TEAD1: variants seen among roughly 807,000 people sequenced by gnomAD.
The protein encoded by TEAD1 is transcriptional enhancer factor TEF-1.
In TEAD1, 9 loss-of-function variants were observed where a neutral mutation model predicts 54.9. That is an observed-to-expected ratio of 0.16 (90% CI 0.10 to 0.29). TEAD1 has a LOEUF of 0.29. Ranked by LOEUF, TEAD1 falls within the 10% of genes least tolerant of loss-of-function variation. TEAD1 has a pLI of 1.00. For missense variants in TEAD1, 387 were observed against 535.9 expected (o/e 0.72, Z 2.74); for synonymous variants, 200 against 187.8 (o/e 1.07, Z -0.53).
At chr11:12,791,989 A>G (rs2133962642) in intron 3 of TEAD1, among the ~76,000 whole-genome samples, 1 of 152,344 alleles carries the variant, frequency 6.6e-6, no homozygotes, top group East Asian at 1.9e-4. Context: ...TGAACTACAC[A>G]TGAACACTAA....
chr11:12,942,932 A>C lies in TEAD1; in HGVS notation c.*5710A>C, dbSNP rs1231325995. 3 of 152,240 alleles carry C rather than the reference A, an allele frequency of 2.0e-5. No homozygotes were observed. Among genetic ancestry groups the C allele is most frequent in the Non-Finnish European group, 4.4e-5 (3 of 68,044 alleles). The allele number at this position is 152,240 out of a possible 1,614,324, so 9.4% of individuals were successfully genotyped here. On this transcript the variant is annotated 3_prime_UTR_variant, in exon 13 of 13. Coordinates refer to ENST00000527636, the MANE Select transcript of TEAD1 (RefSeq NM_021961.6). ...AACCTTGTAGAAATTGGGAAAGCTG[A>C]TAGAGGTAAGGAAGACGAGTGAAAA...
intron 3 of TEAD1, among the ~76,000 whole-genome samples, chr11:12,784,869 A>C (rs190824422): frequency 6.6e-6 from 1 of 152,276 alleles, no homozygotes; most frequent in Admixed American, 6.5e-5. Context: ...GGCTTTAGCC[A>C]CCCATGTTAA....
At chr11:12,772,889 C>T (rs948832779) in intron 3 of TEAD1, among the ~76,000 whole-genome samples, 3 of 152,216 alleles carry the variant, frequency 2.0e-5, no homozygotes, top group African/African-American at 7.2e-5. Flanking sequence ...CATGTCTCCA[C>T]CGCCACAATC....
intron 3 of TEAD1, among the ~76,000 whole-genome samples, chr11:12,854,395 C>G (rs1284809704): frequency 6.6e-6 from 1 of 152,100 alleles, no homozygotes. Flanking sequence ...ACTTCTCTGT[C>G]TGGTAGTAGA....
intron 3 of TEAD1, among the ~76,000 whole-genome samples, chr11:12,774,466 G>A (rs1945378491): frequency 6.6e-6 from 1 of 152,176 alleles, no homozygotes; most frequent in African/African-American, 2.4e-5. Flanking sequence ...AGTGTAAGTG[G>A]TGTCTAAAAG....
chr11:12,700,431 C>T (rs1943674458), intron 2 of TEAD1, among the ~76,000 whole-genome samples: 1 of 152,130 alleles, frequency 6.6e-6, no homozygotes, highest in Non-Finnish European at 1.5e-5. Flanking sequence ...TAACTCTTCA[C>T]CAGGTACTCA....
chr11:12,735,637 A>C (rs1445015946), intron 2 of TEAD1, among the ~76,000 whole-genome samples: 2 of 151,508 alleles, frequency 1.3e-5, no homozygotes, highest in Non-Finnish European at 2.9e-5. Flanking sequence ...GCTGTGACCA[A>C]GGCAGACGTA....
chr11:12,744,458 A>G (rs1944707252), intron 2 of TEAD1, among the ~76,000 whole-genome samples: 2 of 152,188 alleles, frequency 1.3e-5, no homozygotes, highest in Non-Finnish European at 2.9e-5. Flanking sequence ...AGAAGTTTTC[A>G]GGACTCAGGA....
At chr11:12,869,343 C>T (rs1195769762) in intron 5 of TEAD1, among the ~76,000 whole-genome samples, 1 of 152,136 alleles carries the variant, frequency 6.6e-6, no homozygotes, top group African/African-American at 2.4e-5. Context: ...TGGGGCTGCT[C>T]CGTGGCACTT....
intron 2 of TEAD1, among the ~76,000 whole-genome samples, chr11:12,718,206 G>A (rs961486620): frequency 4.6e-5 from 7 of 152,190 alleles, no homozygotes; most frequent in African/African-American, 1.7e-4. Context: ...TTCTTTGTGA[G>A]TAGTGGTTCA....
chr11:12,835,271 T>C (rs1353562782), intron 3 of TEAD1, among the ~76,000 whole-genome samples: 1 of 152,062 alleles, frequency 6.6e-6, no homozygotes, highest in Non-Finnish European at 1.5e-5. Context: ...TATTACCCAA[T>C]GTAGGTCTAG....
chr11:12,752,485 G>A (rs528706699), intron 2 of TEAD1, among the ~76,000 whole-genome samples: 1 of 152,048 alleles, frequency 6.6e-6, no homozygotes, highest in Non-Finnish European at 1.5e-5. Flanking sequence ...GATGAATTTC[G>A]TTAGTGTTTG....
intron 4 of TEAD1, among the ~76,000 whole-genome samples, chr11:12,863,900 C>G (rs1236116894): frequency 6.6e-6 from 1 of 152,106 alleles, no homozygotes; most frequent in African/African-American, 2.4e-5. Context: ...TTGGTGATAC[C>G]TCTCCAATGT....
At chr11:12,763,574 C>T (rs1463196909) in intron 2 of TEAD1, among the ~76,000 whole-genome samples, 1 of 152,210 alleles carries the variant, frequency 6.6e-6, no homozygotes, top group Non-Finnish European at 1.5e-5. Flanking sequence ...AAATAATCTT[C>T]CTCCTTCCCT....
In TEAD1 at chr11:12,901,802, T is replaced by C. The variant is rs1589974332; in HGVS notation, c.700-138T>C. The stretch of plus-strand genomic sequence containing the variant: ...ATCGCTTTTCTAAACATACTCATCA[T>C]TTCAAAAGCATTGATCCTGGACTGG... On this transcript the variant is annotated intron_variant, in intron 9 of 12. Coordinates refer to ENST00000527636, the MANE Select transcript of TEAD1 (RefSeq NM_021961.6). 2.5e-5 allele frequency: 24 copies of C among 970,730 alleles called. No individual in the cohort carries two copies. The East Asian group carries it at 5.8e-4, about 23-fold the overall frequency. 60.1% of individuals were successfully genotyped at this position (970,730 alleles called of 1,614,324 possible). A position where few individuals can be genotyped will look rare whatever the true frequency, so the allele number is the denominator to read the frequency against.
At chr11:12,727,303 G>A (rs1324091052) in intron 2 of TEAD1, among the ~76,000 whole-genome samples, 4 of 152,170 alleles carry the variant, frequency 2.6e-5, no homozygotes, top group Admixed American at 6.5e-5. Flanking sequence ...TCTGTGGGTG[G>A]GGATGCTGGA....
intron 3 of TEAD1, among the ~76,000 whole-genome samples, chr11:12,809,358 A>C (rs1483766763): frequency 6.6e-6 from 1 of 152,198 alleles, no homozygotes; most frequent in Non-Finnish European, 1.5e-5. Context: ...ATTGCATTTG[A>C]AAGATTGAAA....
chr11:12,836,899 C>G (rs1369865298), intron 3 of TEAD1, among the ~76,000 whole-genome samples: 2 of 152,158 alleles, frequency 1.3e-5, no homozygotes, highest in Non-Finnish European at 1.5e-5. Context: ...GCAAAGATCA[C>G]CTTTGGAAAG....
intron 3 of TEAD1, among the ~76,000 whole-genome samples, chr11:12,858,478 G>A (rs2134062351): frequency 6.6e-6 from 1 of 152,318 alleles, no homozygotes; most frequent in Non-Finnish European, 1.5e-5. Context: ...TGATTTGGGG[G>A]AAGGTTGAAA....
Sources: allele counts gnomAD v4.1 joint callset (sites outside exome capture counted in the v4.1 genomes callset), GRCh38; gene constraint gnomAD v4.1.1; transcripts MANE v1.5; gene names NCBI Gene and HGNC (gene_info 2026-07-23, HGNC 2026-07-21).